RAB11FIP2: variants seen among roughly 807,000 people sequenced by gnomAD.
RAB11FIP2 encodes the protein rab11 family-interacting protein 2.
Under a neutral mutation model 40.9 loss-of-function variants are expected in RAB11FIP2, and 16 were observed. The observed-to-expected ratio is 0.39, with a 90% CI of 0.26 to 0.59. The LOEUF (loss-of-function observed/expected upper bound fraction) is 0.59. RAB11FIP2 is among the 20% of genes least tolerant of loss of function. The pLI, the probability that RAB11FIP2 is intolerant of heterozygous loss-of-function variation, is 0.53. For missense variants in RAB11FIP2, 532 were observed against 606.2 expected (o/e 0.88, Z 1.28); for synonymous variants, 228 against 213.7 (o/e 1.07, Z -0.58).
In RAB11FIP2 at chr10:118,023,334, C is replaced by T. The variant is rs191421116; in HGVS notation, c.1266-8224G>A. Among the ~76,000 whole-genome samples the T allele has an allele frequency of 2.0e-5, 3 of 152,136 alleles. No homozygotes were observed. In the East Asian group the frequency reaches 5.8e-4, roughly 29 times the overall value. ...TTTCATTGGAATCTTTAGCACATTC[C>T]AATTACGTTCATTATACATGCAAAT... On this transcript the variant is annotated intron_variant, in intron 3 of 4. Transcript: ENST00000355624.
chr10:118,033,911 G>A, intron 3 of RAB11FIP2: 1 of 699,222 alleles, frequency 1.4e-6, no homozygotes, highest in South Asian at 1.5e-5. Context: ...ATTTGGACAA[G>A]GGCCACTTGG....
chr10:118,044,790 A>G (rs1328604113), intron 1 of RAB11FIP2, among the ~76,000 whole-genome samples: 1 of 152,166 alleles, frequency 6.6e-6, no homozygotes, highest in East Asian at 1.9e-4. Context: ...TCATTGTAAG[A>G]AAGTTTTTTA....
chr10:118,034,969 T>C (rs1413785328), intron 3 of RAB11FIP2, among the ~76,000 whole-genome samples: 2 of 152,134 alleles, frequency 1.3e-5, no homozygotes, highest in African/African-American at 2.4e-5. Context: ...TCTTCACAGG[T>C]TGCAGTGAGG....
At chr10:118,010,876 G>C (rs1846146581) in intron 4 of RAB11FIP2, among the ~76,000 whole-genome samples, 1 of 151,988 alleles carries the variant, frequency 6.6e-6, no homozygotes, top group Non-Finnish European at 1.5e-5. Flanking sequence ...GTACTCTGTA[G>C]AGCATGGCTG....
At chr10:118,016,036 A>T (rs1846215629) in intron 3 of RAB11FIP2, among the ~76,000 whole-genome samples, 1 of 152,224 alleles carries the variant, frequency 6.6e-6, no homozygotes, top group Non-Finnish European at 1.5e-5. Flanking sequence ...AAAACTTTTG[A>T]TTGTGTGACA....
intron 1 of RAB11FIP2, among the ~76,000 whole-genome samples, chr10:118,041,752 T>C (rs1231020663): frequency 1.3e-5 from 2 of 152,132 alleles, no homozygotes; most frequent in African/African-American, 4.8e-5. Context: ...TACTGGCACA[T>C]GATATAAATA....
intron 4 of RAB11FIP2, among the ~76,000 whole-genome samples, chr10:118,010,282 C>T (rs1462051818): frequency 6.6e-6 from 1 of 152,078 alleles, no homozygotes; most frequent in Non-Finnish European, 1.5e-5. Flanking sequence ...AAATAATTTT[C>T]ATCACTATCT....
intron 3 of RAB11FIP2, among the ~76,000 whole-genome samples, chr10:118,022,792 A>G (rs935535955): frequency 2.0e-5 from 3 of 152,156 alleles, no homozygotes; most frequent in African/African-American, 7.2e-5. Context: ...AGCATGAAAA[A>G]TTCCTAACAA....
chr10:118,009,319 C>T, intron 4 of RAB11FIP2, 94 bp from the exon 5 acceptor site: 3 of 1,224,158 alleles, frequency 2.5e-6, no homozygotes, highest in Non-Finnish European at 3.4e-6. Flanking sequence ...TTTTTCAAAC[C>T]CTGATGAAGT....
Position 118,006,957 on chromosome 10 carries a change from C to T in RAB11FIP2, c.*2041G>A, listed in dbSNP as rs1310027151. ...GAGTTCTATTTATGTAAAACATATC[C>T]CCAATACAAAACTGACATCTTGGTT... On this transcript the variant is annotated 3_prime_UTR_variant, in exon 5 of 5. Coordinates refer to ENST00000355624, the MANE Select transcript of RAB11FIP2 (RefSeq NM_014904.3). 2 of 152,046 alleles carry T rather than the reference C, an allele frequency of 1.3e-5. No individual in the cohort carries two copies. Among genetic ancestry groups the T allele is most frequent in the African/African-American group, 2.4e-5 (1 of 41,306 alleles). The allele number at this position is 152,046 out of a possible 1,614,324, so 9.4% of individuals were successfully genotyped here.
intron 4 of RAB11FIP2, among the ~76,000 whole-genome samples, chr10:118,011,638 C>T (rs1846157105): frequency 1.3e-5 from 2 of 152,070 alleles, no homozygotes; most frequent in South Asian, 4.1e-4. Flanking sequence ...TTGGGTCTCA[C>T]TTTCCTTATC....
chr10:118,033,799 A>G (rs1456652773), intron 3 of RAB11FIP2, among the ~76,000 whole-genome samples: 1 of 152,158 alleles, frequency 6.6e-6, no homozygotes, highest in Non-Finnish European at 1.5e-5. Flanking sequence ...ACACAACGAA[A>G]GGTACTACAG....
At chr10:118,010,872 T>C (rs532669887) in intron 4 of RAB11FIP2, among the ~76,000 whole-genome samples, 46 of 151,998 alleles carry the variant, frequency 3.0e-4, no homozygotes, top group Admixed American at 1.8e-3. Context: ...ACAGGTACTC[T>C]GTAGAGCATG....
rs1846538382 is a variant in RAB11FIP2 at position 118,040,257 on chromosome 10, C to T, written c.662G>A (p.Arg221Gln). The change falls in exon 2 of 5, where the codon CGA becomes CAA. Residue 221 changes from arginine to glutamine, a missense_variant. Transcript: ENST00000355624. ...PKKPFLLGPQ[R>Q]LSSAHSMSDL... ...AGACATTGAATGCGCTGACGAGAGT[C>T]GCTGAGGACCCAAGAGAAAAGGCTT... 1 of 1,613,670 alleles carries T rather than the reference C, an allele frequency of 6.2e-7. No individual in the cohort carries two copies. The highest frequency in any genetic ancestry group is 8.5e-7 in the Non-Finnish European group (1 of 1,179,806).
At chr10:118,043,504 G>C (rs1338614729) in intron 1 of RAB11FIP2, 2 of 152,038 alleles carry the variant, frequency 1.3e-5, no homozygotes, top group Non-Finnish European at 2.9e-5. Flanking sequence ...CCACTCAAAG[G>C]GTTCTGGCTC....
intron 3 of RAB11FIP2, among the ~76,000 whole-genome samples, chr10:118,026,398 C>T (rs929063856): frequency 6.6e-6 from 1 of 152,066 alleles, no homozygotes; most frequent in African/African-American, 2.4e-5. Context: ...ACCTTGAATT[C>T]AGAGACTACT....
chr10:118,038,458 C>T (rs894050175), intron 3 of RAB11FIP2, among the ~76,000 whole-genome samples: 1 of 152,000 alleles, frequency 6.6e-6, no homozygotes, highest in African/African-American at 2.4e-5. Flanking sequence ...TTACTGAATT[C>T]CAATAACAAG....
intron 3 of RAB11FIP2, among the ~76,000 whole-genome samples, chr10:118,038,756 T>G (rs1383196020): frequency 6.6e-6 from 1 of 152,090 alleles, no homozygotes; most frequent in African/African-American, 2.4e-5. Context: ...TAGACCAGGA[T>G]AGAGAATAAG....
At position 118,039,453 on chromosome 10, in the gene RAB11FIP2, T is replaced by C; in HGVS notation, c.797-13A>G. 1 of 1,591,836 alleles carries C rather than the reference T, an allele frequency of 6.3e-7. No homozygotes were observed. Among genetic ancestry groups the C allele is most frequent in the Non-Finnish European group, 8.6e-7 (1 of 1,162,742 alleles). On this transcript the variant is annotated splice_polypyrimidine_tract_variant and intron_variant, in intron 2 of 4. Transcript: ENST00000355624. ...GATTTGAGACTTCCTACAAACAATT[T>C]TGTAGTTAGTACATAATCAGTGACA...
Sources: allele counts gnomAD v4.1 joint callset (sites outside exome capture counted in the v4.1 genomes callset), GRCh38; gene constraint gnomAD v4.1.1; transcripts MANE v1.5; gene names NCBI Gene and HGNC (gene_info 2026-07-23, HGNC 2026-07-21).